The following ENTREP2 variants were observed in gnomAD, a reference collection of about 807,000 sequenced individuals.
ENTREP2 encodes the protein protein ENTREP2.
chr15:29,487,389 A>C, the ENTREP2 span, among the ~76,000 whole-genome samples: 1 of 152,172 alleles, frequency 6.6e-6, no homozygotes, highest in South Asian at 2.1e-4. Context: ...GTGTTAAAGG[A>C]GGACTCCACC....
At chr15:29,485,331 T>G in the ENTREP2 span, among the ~76,000 whole-genome samples, 1 of 152,076 alleles carries the variant, frequency 6.6e-6, no homozygotes, top group East Asian at 1.9e-4. Context: ...AGCAGCAGCA[T>G]TCCCAGTGCA....
chr15:29,595,218 G>A, the ENTREP2 span, among the ~76,000 whole-genome samples: 11 of 151,892 alleles, frequency 7.2e-5, no homozygotes, highest in African/African-American at 1.7e-4. Context: ...GCGCCACTAC[G>A]CTCCAGCCTG....
At chr15:29,615,445 C>T in the ENTREP2 span, among the ~76,000 whole-genome samples, 164 of 152,252 alleles carry the variant, frequency 1.1e-3, no homozygotes, top group African/African-American at 3.6e-3. Flanking sequence ...TGAGCCACAA[C>T]GCCTGGCCCC....
chr15:29,376,295 T>C, the ENTREP2 span: 2 of 152,144 alleles, frequency 1.3e-5, no homozygotes, highest in East Asian at 3.8e-4. Context: ...TATTCATACA[T>C]AAGCCATCAC....
chr15:29,357,731 C>T, the ENTREP2 span, among the ~76,000 whole-genome samples: 19 of 151,874 alleles, frequency 1.3e-4, no homozygotes, highest in African/African-American at 3.6e-4. Flanking sequence ...CCCAGCTACT[C>T]GGGAGGCTGA....
At chr15:29,612,009 G>A in the ENTREP2 span, among the ~76,000 whole-genome samples, 1 of 152,164 alleles carries the variant, frequency 6.6e-6, no homozygotes, top group Non-Finnish European at 1.5e-5. Flanking sequence ...GTGTAAAAGA[G>A]AAGATTGCAT....
chr15:29,124,819 G>T, the ENTREP2 span: 1 of 1,454,920 alleles, frequency 6.9e-7, no homozygotes, highest in Non-Finnish European at 9.4e-7. Context: ...TCCTGAGAAA[G>T]CTATCATAAC....
At chr15:29,310,747 A>C in the ENTREP2 span, among the ~76,000 whole-genome samples, 36,992 of 152,132 alleles carry the variant, frequency 0.24, 9,294 homozygotes, top group African/African-American at 0.65. Context: ...TGGGGAAAGA[A>C]ACATCAACCC....
At chr15:29,129,350 G>A in the ENTREP2 span, among the ~76,000 whole-genome samples, 1 of 152,202 alleles carries the variant, frequency 6.6e-6, no homozygotes, top group Non-Finnish European at 1.5e-5. Context: ...CAAGGTGTGA[G>A]CCACCGCCCC....
the ENTREP2 span, among the ~76,000 whole-genome samples, chr15:29,362,345 C>A: frequency 2.3e-5 from 3 of 133,012 alleles, no homozygotes; most frequent in African/African-American, 8.3e-5. Flanking sequence ...TATTGGGTAT[C>A]TTTGTCTACC....
chr15:29,377,639 T>C, the ENTREP2 span, among the ~76,000 whole-genome samples: 1 of 151,866 alleles, frequency 6.6e-6, no homozygotes, highest in South Asian at 2.1e-4. Context: ...CTGACCAACA[T>C]GGAGAAACCC....
chr15:29,658,433 G>T, the ENTREP2 span, among the ~76,000 whole-genome samples: 2 of 152,094 alleles, frequency 1.3e-5, no homozygotes, highest in Admixed American at 1.3e-4. Context: ...GATAATTGAC[G>T]AATACAACTG....
At chr15:29,625,663 G>T in the ENTREP2 span, among the ~76,000 whole-genome samples, 1 of 151,744 alleles carries the variant, frequency 6.6e-6, no homozygotes, top group Non-Finnish European at 1.5e-5. Flanking sequence ...CCAAAGTGCT[G>T]GGATTACAGG....
chr15:29,487,384 A>G, the ENTREP2 span, among the ~76,000 whole-genome samples: 1 of 152,162 alleles, frequency 6.6e-6, no homozygotes, highest in African/African-American at 2.4e-5. Flanking sequence ...GCTAAGTGTT[A>G]AAGGAGGACT....
chr15:29,150,439 T>G, the ENTREP2 span, among the ~76,000 whole-genome samples: 6,612 of 152,306 alleles, frequency 0.043, 446 homozygotes, highest in African/African-American at 0.14. Context: ...TTTAGTTCTG[T>G]AAGTTTGGTC....
chr15:29,284,893 G>A, the ENTREP2 span, among the ~76,000 whole-genome samples: 7 of 152,142 alleles, frequency 4.6e-5, no homozygotes, highest in Admixed American at 1.3e-4. Context: ...CAATGGTAAC[G>A]TCAATGCAAG....
chr15:29,251,744 C>CT, the ENTREP2 span, among the ~76,000 whole-genome samples: 5,186 of 97,818 alleles, frequency 0.053, 475 homozygotes, highest in East Asian at 0.12. Flanking sequence ...TTTTTTGTGA[C>CT]TTTTTTTTTT....
At chr15:29,148,441 A>G in the ENTREP2 span, among the ~76,000 whole-genome samples, 2 of 152,196 alleles carry the variant, frequency 1.3e-5, no homozygotes, top group African/African-American at 4.8e-5. Flanking sequence ...TGGAGGGTGA[A>G]GTCTTTTACA....
At chr15:29,514,132 C>A in the ENTREP2 span, among the ~76,000 whole-genome samples, 2 of 152,138 alleles carry the variant, frequency 1.3e-5, no homozygotes, top group African/African-American at 4.8e-5. Context: ...GTGTACAGTA[C>A]TATAGTGTTA....
Sources: gnomAD v4.1 joint callset for allele counts (sites outside exome capture counted in the v4.1 genomes callset) on GRCh38, gnomAD v4.1.1 for gene constraint, MANE v1.5 for transcripts, NCBI Gene and HGNC (gene_info 2026-07-23, HGNC 2026-07-21) for gene names.